MAGI2: variants seen among roughly 807,000 people sequenced by gnomAD.
MAGI2 encodes membrane-associated guanylate kinase, WW and PDZ domain-containing protein 2.
A neutral mutation model predicts 133.3 loss-of-function variants in MAGI2; 35 were observed. The observed-to-expected ratio is 0.26, with a 90% CI of 0.20 to 0.35. The LOEUF is 0.35. Among genes scored for constraint, MAGI2 ranks in the 10% least tolerant of loss-of-function variants. The pLI is 1.00. For missense variants in MAGI2, 1,636 were observed against 1,863.4 expected (o/e 0.88, Z 2.25); for synonymous variants, 729 against 710.6 (o/e 1.03, Z -0.41).
At chr7:79,327,611 G>GT in intron 1 of MAGI2, among the ~76,000 whole-genome samples, 1 of 152,106 alleles carries the variant, frequency 6.6e-6, no homozygotes, top group East Asian at 1.9e-4. Flanking sequence ...CAGTCAAAGA[G>GT]TTTTTTCAGA....
At position 79,362,529 on chromosome 7, in the gene MAGI2, CCAGA is replaced by C. The variant is rs1054645318; in HGVS notation, c.301+90487_301+90490del. The stretch of plus-strand genomic sequence containing the variant: ...AATTCATTTTATATGGTAAGTAATA[CCAGA>C]CAAAGAAAAAAATATTAACAAACCA... On this transcript the variant is annotated intron_variant, in intron 1 of 21. Coordinates refer to ENST00000354212, the MANE Select transcript of MAGI2 (RefSeq NM_012301.4). Among the ~76,000 whole-genome samples the C allele has an allele frequency of 2.8e-4, 43 of 151,628 alleles. 1 individual carries two copies. Among genetic ancestry groups the C allele is most frequent in the Non-Finnish European group, 3.4e-4 (23 of 67,834 alleles).
chr7:78,738,075 A>AAC (rs10644479), intron 2 of MAGI2, among the ~76,000 whole-genome samples: 145,991 of 152,160 alleles, frequency 0.96, 70,064 homozygotes, highest in East Asian at 1. Context: ...TTGGTACCAT[A>AAC]AGTTTATTAT....
chr7:78,708,914 C>A (rs1446309902), intron 2 of MAGI2, among the ~76,000 whole-genome samples: 1 of 152,046 alleles, frequency 6.6e-6, no homozygotes, highest in African/African-American at 2.4e-5. Flanking sequence ...CTATATTCTA[C>A]TTTTCTTAAT....
chr7:79,299,974 C>A (rs1171835215), intron 1 of MAGI2, among the ~76,000 whole-genome samples: 1 of 150,060 alleles, frequency 6.7e-6, no homozygotes, highest in African/African-American at 2.5e-5. Context: ...CTTCCTGAGA[C>A]CCCCCTAGAG....
chr7:78,394,103 G>T (rs1257869783), intron 6 of MAGI2, among the ~76,000 whole-genome samples: 2 of 152,126 alleles, frequency 1.3e-5, no homozygotes, highest in Admixed American at 6.5e-5. Flanking sequence ...GAGTTCTGAT[G>T]TCTGAGGGCA....
At chr7:79,273,588 T>C (rs1835029371) in intron 1 of MAGI2, among the ~76,000 whole-genome samples, 1 of 152,114 alleles carries the variant, frequency 6.6e-6, no homozygotes, top group Non-Finnish European at 1.5e-5. Flanking sequence ...GTCGTCAGAA[T>C]TGTTTCCAGA....
At chr7:78,700,551 T>G (rs1018656078) in intron 2 of MAGI2, among the ~76,000 whole-genome samples, 3 of 152,128 alleles carry the variant, frequency 2.0e-5, no homozygotes, top group African/African-American at 4.8e-5. Context: ...CATCTGACAG[T>G]GTTTAAACCT....
At chr7:79,120,686 T>C (rs572982959) in intron 1 of MAGI2, among the ~76,000 whole-genome samples, 2 of 152,038 alleles carry the variant, frequency 1.3e-5, no homozygotes, top group Non-Finnish European at 2.9e-5. Context: ...CCACTATAAG[T>C]AGGAACTTAG....
At chr7:78,383,426 A>C (rs868567298) in intron 6 of MAGI2, among the ~76,000 whole-genome samples, 1 of 151,780 alleles carries the variant, frequency 6.6e-6, no homozygotes, top group East Asian at 1.9e-4. Context: ...AGAACTGTCT[A>C]TTCATATCAT....
intron 2 of MAGI2, among the ~76,000 whole-genome samples, chr7:78,708,059 C>T (rs1433763792): frequency 6.6e-6 from 1 of 152,020 alleles, no homozygotes; most frequent in African/African-American, 2.4e-5. Context: ...GTATATCTTA[C>T]ATTAAAGCAG....
At chr7:78,138,108 T>G (rs975943732) in intron 16 of MAGI2, among the ~76,000 whole-genome samples, 2 of 152,228 alleles carry the variant, frequency 1.3e-5, no homozygotes, top group Non-Finnish European at 2.9e-5. Context: ...TCAGATTTCA[T>G]AGCCTTTGCT....
At chr7:78,772,142 C>T (rs1825643052) in intron 2 of MAGI2, among the ~76,000 whole-genome samples, 2 of 152,162 alleles carry the variant, frequency 1.3e-5, no homozygotes, top group South Asian at 4.1e-4. Flanking sequence ...ACCATCTTCT[C>T]CTCTGCTGCA....
At chr7:78,283,210 G>GAAAAGTTTTCTGAAATTAC (rs1795805279) in intron 9 of MAGI2, among the ~76,000 whole-genome samples, 1 of 152,082 alleles carries the variant, frequency 6.6e-6, no homozygotes, top group African/African-American at 2.4e-5. Flanking sequence ...AAGTACAGAG[G>GAAAAGTTTTCTGAAATTAC]AAAAGTTTTC....
chr7:78,559,238 G>GA (rs1554474418), intron 3 of MAGI2, among the ~76,000 whole-genome samples: 2 of 128,366 alleles, frequency 1.6e-5, no homozygotes, highest in Admixed American at 7.9e-5. Context: ...TTCCTTTCAG[G>GA]TTTTTTTTTT....
intron 2 of MAGI2, among the ~76,000 whole-genome samples, chr7:78,803,487 A>T (rs56942037): frequency 0.046 from 7,019 of 151,218 alleles, 495 homozygotes; most frequent in African/African-American, 0.15. Flanking sequence ...ACATTTATTT[A>T]TTTTTTTTTT....
At chr7:78,205,572 C>T (rs1386533125) in intron 10 of MAGI2, among the ~76,000 whole-genome samples, 2 of 152,142 alleles carry the variant, frequency 1.3e-5, no homozygotes, top group African/African-American at 4.8e-5. Flanking sequence ...ACATATACTA[C>T]ATGGGACATA....
intron 1 of MAGI2, among the ~76,000 whole-genome samples, chr7:79,383,999 A>C (rs1358418568): frequency 2.0e-5 from 3 of 151,606 alleles, no homozygotes; most frequent in Non-Finnish European, 4.4e-5. Flanking sequence ...ATATCAGTAC[A>C]TAAGTTATGA....
At chr7:78,023,214 T>G (rs1469316582) in intron 21 of MAGI2, among the ~76,000 whole-genome samples, 1 of 152,206 alleles carries the variant, frequency 6.6e-6, no homozygotes, top group East Asian at 1.9e-4. Context: ...TGACACAGAT[T>G]GTGCTGGACA....
At chr7:78,077,435 T>C (rs1287346968) in intron 21 of MAGI2, among the ~76,000 whole-genome samples, 1 of 151,062 alleles carries the variant, frequency 6.6e-6, no homozygotes, top group Non-Finnish European at 1.5e-5. Flanking sequence ...AATATTTTAT[T>C]AGATCCAAGC....
Sources: allele counts gnomAD v4.1 joint callset (sites outside exome capture counted in the v4.1 genomes callset), GRCh38; gene constraint gnomAD v4.1.1; transcripts MANE v1.5; gene names NCBI Gene and HGNC (gene_info 2026-07-23, HGNC 2026-07-21).